The following EIF3A variants were observed in gnomAD, a reference collection of about 807,000 sequenced individuals.
The protein encoded by EIF3A is eukaryotic translation initiation factor 3 subunit A.
In EIF3A, 21 loss-of-function variants were observed where a neutral mutation model predicts 186.6. The ratio of observed to expected loss-of-function variants is 0.11; its 90% CI spans 0.08 to 0.16. The LOEUF is 0.16. Ranked by LOEUF, EIF3A falls within the 10% of genes least tolerant of loss-of-function variation. The pLI, the probability that EIF3A is intolerant of heterozygous loss-of-function variation, is 1.00. For synonymous variants in EIF3A, 563 were observed against 584.3 expected (o/e 0.96, Z 0.52); for missense variants, 1,306 against 1,796.3 (o/e 0.73, Z 4.93).
intron 3 of EIF3A, 55 bp from the exon 4 acceptor site, chr10:119,073,108 T>G (rs1301501605): frequency 2.4e-5 from 37 of 1,531,178 alleles, no homozygotes; most frequent in Non-Finnish European, 3.2e-5. Context: ...CTTTGCCATG[T>G]GATTAAAAAC....
At chr10:119,056,492 C>T (rs1255942060) in intron 14 of EIF3A, among the ~76,000 whole-genome samples, 1 of 151,980 alleles carries the variant, frequency 6.6e-6, no homozygotes, top group Non-Finnish European at 1.5e-5. Flanking sequence ...TACAATTTAC[C>T]CATTTAAAGT....
chr10:119,071,954 G>A (rs1193983249), intron 4 of EIF3A, among the ~76,000 whole-genome samples: 2 of 150,624 alleles, frequency 1.3e-5, no homozygotes, highest in Non-Finnish European at 2.9e-5. Context: ...GAACCTGGGA[G>A]GCGGAGCTTG....
At chr10:119,071,107 A>G in intron 4 of EIF3A, 22 bp from the exon 5 acceptor site, 1 of 1,535,912 alleles carries the variant, frequency 6.5e-7, no homozygotes, top group Non-Finnish European at 9.0e-7. Context: ...ATTGTAAAAT[A>G]TATTAGGTAC....
intron 1 of EIF3A, among the ~76,000 whole-genome samples, chr10:119,075,530 C>T (rs1259038482): frequency 2.1e-5 from 3 of 144,726 alleles, no homozygotes; most frequent in African/African-American, 7.6e-5. Context: ...TCTTAACATT[C>T]ATTAATTGCA....
chr10:119,069,880 C>T (rs190144318), intron 5 of EIF3A, among the ~76,000 whole-genome samples: 6 of 151,656 alleles, frequency 4.0e-5, no homozygotes, highest in Admixed American at 2.0e-4. Flanking sequence ...GGGAAGTAGA[C>T]AGAGCAGACT....
intron 14 of EIF3A, among the ~76,000 whole-genome samples, chr10:119,055,266 G>A (rs1187190916): frequency 6.6e-6 from 1 of 151,086 alleles, no homozygotes; most frequent in East Asian, 1.9e-4. Flanking sequence ...CAAGGACAGG[G>A]AGAGACAGAG....
At chr10:119,057,507 G>A (rs1367969499) in intron 12 of EIF3A, among the ~76,000 whole-genome samples, 3 of 152,198 alleles carry the variant, frequency 2.0e-5, no homozygotes. Flanking sequence ...ATGTGTGGTG[G>A]CTCACACCTA....
intron 16 of EIF3A, among the ~76,000 whole-genome samples, chr10:119,050,303 AAG>A (rs1334163472): frequency 6.6e-6 from 1 of 152,236 alleles, no homozygotes; most frequent in East Asian, 1.9e-4. Flanking sequence ...TGATTAAAAA[AAG>A]TATTAATTTC....
At chr10:119,039,163 C>T (rs1247047034) in intron 19 of EIF3A, among the ~76,000 whole-genome samples, 1 of 152,052 alleles carries the variant, frequency 6.6e-6, no homozygotes, top group Non-Finnish European at 1.5e-5. Flanking sequence ...CCTTCATATC[C>T]AAAAAACAAT....
In EIF3A at chr10:119,059,279, T is replaced by C. The variant is rs757095199; in HGVS notation, c.1562A>G (p.Asn521Ser). 3 of 1,614,212 alleles carry C rather than the reference T, an allele frequency of 1.9e-6. No individual in the cohort carries two copies. The Admixed American group carries it at 5.0e-5, about 27-fold the overall frequency. Reference sequence around the variant, plus strand: ...TACTGAGGACATGGCTGTCAGCTGGTTTCTTATCTGCTCTGAAGGCATGCT... The same window carrying C: ...TACTGAGGACATGGCTGTCAGCTGGCTTCTTATCTGCTCTGAAGGCATGCT... ...LQSMPSEQIR[N>S]QLTAMSSVLA... The change falls in exon 11 of 22, where the codon AAC becomes AGC. Residue 521 changes from asparagine (N) to serine (S), a missense_variant. Asn to Ser is a conservative substitution (Grantham distance 46, BLOSUM62 1). Around this residue, in one of 8 missense-constraint regions of EIF3A, gnomAD observed 3 missense variants for 16.7 expected, o/e 0.18. Coordinates refer to ENST00000369144, the MANE Select transcript of EIF3A (RefSeq NM_003750.4).
chr10:119,047,019 G>A (rs1009718516), intron 17 of EIF3A, among the ~76,000 whole-genome samples: 6 of 152,008 alleles, frequency 3.9e-5, no homozygotes, highest in African/African-American at 1.2e-4. Context: ...TGTAATCCCA[G>A]CACTGTGAGA....
chr10:119,064,965 C>T (rs1241268614), intron 7 of EIF3A, among the ~76,000 whole-genome samples: 1 of 152,170 alleles, frequency 6.6e-6, no homozygotes, highest in Admixed American at 6.5e-5. Context: ...CTACCTCAGC[C>T]TCCCAAAGTG....
At chr10:119,065,935 T>A (rs1300365556) in intron 6 of EIF3A, among the ~76,000 whole-genome samples, 1 of 151,320 alleles carries the variant, frequency 6.6e-6, no homozygotes, top group African/African-American at 2.4e-5. Flanking sequence ...GCTAACACGG[T>A]GAAACCCCAT....
intron 17 of EIF3A, among the ~76,000 whole-genome samples, chr10:119,046,626 G>A (rs1446162740): frequency 1.3e-5 from 2 of 152,204 alleles, no homozygotes; most frequent in Admixed American, 1.3e-4. Flanking sequence ...AAGGAAAGTT[G>A]TAATTTATAC....
intron 14 of EIF3A, among the ~76,000 whole-genome samples, chr10:119,055,238 G>A (rs773221348): frequency 2.8e-4 from 43 of 151,976 alleles, no homozygotes; most frequent in Non-Finnish European, 5.0e-4. Flanking sequence ...TAGTGTCTCA[G>A]GGAATAATAG....
intron 19 of EIF3A, among the ~76,000 whole-genome samples, chr10:119,038,768 T>C (rs1163973211): frequency 6.6e-6 from 1 of 152,042 alleles, no homozygotes; most frequent in Non-Finnish European, 1.5e-5. Context: ...CTACTAAAAC[T>C]ACAATTAGCC....
intron 1 of EIF3A, 45 bp downstream of exon 1, chr10:119,080,583 G>A (rs1354564762): frequency 1.3e-6 from 2 of 1,553,110 alleles, no homozygotes; most frequent in Admixed American, 3.9e-5. Context: ...CGACCTCGGA[G>A]GCCTCGGGCC....
At chr10:119,040,002 A>G (rs913679045) in intron 19 of EIF3A, among the ~76,000 whole-genome samples, 1 of 151,904 alleles carries the variant, frequency 6.6e-6, no homozygotes, top group African/African-American at 2.4e-5. Flanking sequence ...AGAATCTGCT[A>G]TACTGTTACC....
chr10:119,065,148 C>T (rs1843950524), intron 7 of EIF3A, among the ~76,000 whole-genome samples: 1 of 152,202 alleles, frequency 6.6e-6, no homozygotes, highest in South Asian at 2.1e-4. Context: ...TCTTCTCTTA[C>T]TAACTGGCCC....
Sources: gnomAD v4.1 joint callset for allele counts (sites outside exome capture counted in the v4.1 genomes callset) on GRCh38, gnomAD v4.1.1 for gene constraint, gnomAD v4.1.1 regional missense constraint, MANE v1.5 for transcripts, NCBI Gene and HGNC (gene_info 2026-07-23, HGNC 2026-07-21) for gene names.